USP39: variants seen among roughly 807,000 people sequenced by gnomAD.
USP39 encodes ubiquitin specific peptidase 39, also known as ubiquitin carboxyl-terminal hydrolase 39.
USP39 carries 38 observed loss-of-function variants against 66.4 expected under a neutral mutation model. The ratio of observed to expected loss-of-function variants is 0.57; its 90% CI spans 0.44 to 0.75. The LOEUF is 0.75. Among genes scored for constraint, USP39 ranks in the 30% least tolerant of loss-of-function variants. USP39 has a pLI of 0.00. For synonymous variants in USP39, 303 were observed against 274.6 expected (o/e 1.10, Z -1.02); for missense variants, 608 against 714.4 (o/e 0.85, Z 1.70).
intron 6 of USP39, among the ~76,000 whole-genome samples, chr2:85,633,581 G>A (rs574124471): frequency 5.3e-5 from 8 of 152,162 alleles, no homozygotes; most frequent in African/African-American, 1.9e-4. Flanking sequence ...ACCATCCTGC[G>A]TGACATAGAC....
chr2:85,636,152 A>T, intron 7 of USP39, 22 bp downstream of exon 7: 1 of 1,610,562 alleles, frequency 6.2e-7, no homozygotes, highest in Non-Finnish European at 8.5e-7. Flanking sequence ...ACTTATAAAA[A>T]GGAGTTATTT....
chr2:85,623,726 T>C lies in USP39; in HGVS notation c.514T>C (p.Phe172Leu), dbSNP rs1306324707. 3 of 1,613,934 alleles carry C rather than the reference T, an allele frequency of 1.9e-6. No homozygotes were observed. Among genetic ancestry groups the C allele is most frequent in the Non-Finnish European group, 1.7e-6 (2 of 1,179,950 alleles). The part of the protein sequence containing the change: ...HVFLNLHTLK[F>L]YCLPDNYEII... Reference sequence around the variant, plus strand: ...TTTCCTCAACCTCCACACCCTCAAGTTTTACTGCCTTCCAGACAACTATGA... The same window carrying C: ...TTTCCTCAACCTCCACACCCTCAAGCTTTACTGCCTTCCAGACAACTATGA... Residue 172 changes from phenylalanine (F) to leucine (L), a missense_variant, in exon 4 of 13, where the codon TTT becomes CTT. Physicochemically the swap from Phe to Leu is conservative, Grantham distance 22. Transcript: ENST00000323701.
In USP39 at chr2:85,648,894, C is replaced by A; in HGVS notation, c.*86C>A. 1 of 1,551,150 alleles carries A rather than the reference C, an allele frequency of 6.4e-7. No homozygotes were observed. The highest frequency in any genetic ancestry group is 8.9e-7 in the Non-Finnish European group (1 of 1,129,132). ...GAAGCTGTAGCTGAACACAGGCTGG[C>A]TGGTGGGCTTCCTAGGCCAGCCCAG... On this transcript the variant is annotated 3_prime_UTR_variant, in exon 13 of 13. Coordinates refer to ENST00000323701, the MANE Select transcript of USP39 (RefSeq NM_006590.4).
chr2:85,612,015 C>G (rs1302796874), upstream of USP39: 1 of 1,436,326 alleles, frequency 7.0e-7, no homozygotes, highest in East Asian at 2.5e-5. Flanking sequence ...TCGCCGCCGC[C>G]TCGACGGCCC....
At chr2:85,639,029 G>T (rs557185091) in intron 8 of USP39, among the ~76,000 whole-genome samples, 174 bp from the exon 9 acceptor site, 3 of 152,204 alleles carry the variant, frequency 2.0e-5, no homozygotes, top group African/African-American at 7.2e-5. Context: ...AAGGAAACCT[G>T]TTGGTTCTTA....
At chr2:85,604,280 GCTCA>G (rs1673131749) in intron 1 of USP39, among the ~76,000 whole-genome samples, 1 of 152,160 alleles carries the variant, frequency 6.6e-6, no homozygotes, top group African/African-American at 2.4e-5. Flanking sequence ...TGCAATCTCG[GCTCA>G]CTGTTACCTC....
At chr2:85,615,957 C>G, upstream of USP39, 1 of 754,894 alleles carries the variant, frequency 1.3e-6, no homozygotes, top group South Asian at 6.0e-5. Flanking sequence ...AAAACTGTCG[C>G]CAGTAAAGGT....
intron 4 of USP39, 58 bp downstream of exon 4, chr2:85,623,840 C>G (rs914420470): frequency 2.0e-6 from 3 of 1,532,672 alleles, no homozygotes; most frequent in African/African-American, 2.8e-5. Flanking sequence ...TCCCAGGGCT[C>G]CCAGGGGACT....
chr2:85,605,266 CG>C (rs1273600331), intron 1 of USP39, among the ~76,000 whole-genome samples: 9 of 151,946 alleles, frequency 5.9e-5, no homozygotes, highest in Non-Finnish European at 1.0e-4. Flanking sequence ...CTGTAAAAAT[CG>C]TAAGTTTATT....
At chr2:85,619,409 A>G in intron 2 of USP39, 120 bp downstream of exon 2, 2 of 968,924 alleles carry the variant, frequency 2.1e-6, no homozygotes, top group South Asian at 1.6e-5. Context: ...CTGTCTAGAG[A>G]GTTGTGCTTC....
At chr2:85,608,701 CAAAAAAAA>C (rs5832651), upstream of USP39, 129 of 55,448 alleles carry the variant, frequency 2.3e-3, 1 homozygote, top group South Asian at 0.036. Flanking sequence ...ACAAAATCCT[CAAAAAAAA>C]AAAAAAAAAA....
intron 1 of USP39, among the ~76,000 whole-genome samples, chr2:85,618,966 C>T (rs1159280823): frequency 1.3e-5 from 2 of 152,050 alleles, no homozygotes; most frequent in South Asian, 2.1e-4. Context: ...GACGGGGTTT[C>T]ACCATAGTTG....
intron 3 of USP39, 30 bp downstream of exon 3, chr2:85,621,609 T>G: frequency 6.4e-7 from 1 of 1,570,970 alleles, no homozygotes; most frequent in Non-Finnish European, 8.7e-7. Flanking sequence ...TAACTGCAGA[T>G]CTGCTCCAGA....
At chr2:85,604,855 T>C (rs1164234407) in intron 1 of USP39, among the ~76,000 whole-genome samples, 1 of 152,260 alleles carries the variant, frequency 6.6e-6, no homozygotes, top group Non-Finnish European at 1.5e-5. Context: ...CTGAGAGGAC[T>C]ACTCAAGTTC....
intron 8 of USP39, among the ~76,000 whole-genome samples, chr2:85,638,682 G>C (rs1558869601): frequency 6.6e-6 from 1 of 151,820 alleles, no homozygotes; most frequent in Non-Finnish European, 1.5e-5. Context: ...AGGATTACAG[G>C]CGCCACCACC....
chr2:85,617,504 C>T (rs886527684), intron 1 of USP39, among the ~76,000 whole-genome samples: 1 of 152,136 alleles, frequency 6.6e-6, no homozygotes, highest in South Asian at 2.1e-4. Flanking sequence ...GAAATGGTGT[C>T]TCCCTACAAA....
upstream of USP39, chr2:85,611,617 C>A: frequency 6.4e-7 from 1 of 1,558,760 alleles, no homozygotes; most frequent in South Asian, 1.2e-5. Flanking sequence ...AAGGGGAGTG[C>A]GTTGCAGGAA....
At chr2:85,617,707 C>T (rs749178685) in intron 1 of USP39, among the ~76,000 whole-genome samples, 1 of 152,178 alleles carries the variant, frequency 6.6e-6, no homozygotes, top group African/African-American at 2.4e-5. Flanking sequence ...TGTAAGGCAG[C>T]TCACTGTGTG....
chr2:85,614,979 A>AGTGTG (rs146502279), upstream of USP39, among the ~76,000 whole-genome samples: 25,429 of 144,882 alleles, frequency 0.18, 2,765 homozygotes, highest in African/African-American at 0.3. Context: ...AATTGCACAC[A>AGTGTG]GTGTGGTGTG....
Sources: gnomAD v4.1 joint callset for allele counts (sites outside exome capture counted in the v4.1 genomes callset) on GRCh38, gnomAD v4.1.1 for gene constraint, MANE v1.5 for transcripts, NCBI Gene and HGNC (gene_info 2026-07-23, HGNC 2026-07-21) for gene names.